PIK3C2G: variants seen among roughly 807,000 people sequenced by gnomAD.
The protein encoded by PIK3C2G is phosphatidylinositol-4-phosphate 3-kinase catalytic subunit type 2 gamma.
A neutral mutation model predicts 181.1 loss-of-function variants in PIK3C2G; 168 were observed. That is an observed-to-expected ratio of 0.93 (90% CI 0.82 to 1.05). The LOEUF (loss-of-function observed/expected upper bound fraction) is 1.05, where lower values mean the gene tolerates loss of function less well. PIK3C2G is among the 50% of genes least tolerant of loss of function. The pLI is 0.00. For synonymous variants in PIK3C2G, 573 were observed against 592.2 expected (o/e 0.97, Z 0.47); for missense variants, 1,869 against 1,732.8 (o/e 1.08, Z -1.40).
At chr12:18,339,385 A>C (rs1369604411) in intron 9 of PIK3C2G, among the ~76,000 whole-genome samples, 1 of 152,112 alleles carries the variant, frequency 6.6e-6, no homozygotes, top group African/African-American at 2.4e-5. Flanking sequence ...TAAAGTTGGT[A>C]TTTTAATGTT....
the PIK3C2G span, among the ~76,000 whole-genome samples, chr12:18,654,673 A>G: frequency 2.0e-5 from 3 of 152,202 alleles, no homozygotes; most frequent in South Asian, 6.2e-4. Flanking sequence ...GGGAAATCAG[A>G]CAAGATGATT....
intron 18 of PIK3C2G, among the ~76,000 whole-genome samples, chr12:18,460,235 A>G (rs930131150): frequency 1.3e-5 from 2 of 152,264 alleles, no homozygotes; most frequent in Admixed American, 6.5e-5. Context: ...CAGTTACTTA[A>G]TATGCAAAAA....
chr12:18,661,268 T>A, the PIK3C2G span, among the ~76,000 whole-genome samples: 1 of 152,130 alleles, frequency 6.6e-6, no homozygotes, highest in African/African-American at 2.4e-5. Context: ...CCAAGTGTGA[T>A]GAGATACAAG....
chr12:18,516,629 G>T (rs1318926949), intron 24 of PIK3C2G, among the ~76,000 whole-genome samples: 2 of 151,810 alleles, frequency 1.3e-5, no homozygotes, highest in Non-Finnish European at 2.9e-5. Context: ...CTTGATGGTG[G>T]CCCATAATTC....
intron 18 of PIK3C2G, among the ~76,000 whole-genome samples, chr12:18,427,432 G>T (rs1450700484): frequency 6.7e-6 from 1 of 150,182 alleles, no homozygotes; most frequent in East Asian, 2.0e-4. Flanking sequence ...GCTGGAACCC[G>T]GGAGGTTGCA....
At chr12:18,567,328 G>A (rs1003084671) in intron 29 of PIK3C2G, among the ~76,000 whole-genome samples, 1 of 152,120 alleles carries the variant, frequency 6.6e-6, no homozygotes, top group Non-Finnish European at 1.5e-5. Flanking sequence ...GAGCCCAGGA[G>A]TTGGAAGCTG....
At chr12:18,457,877 T>C (rs1373111169) in intron 18 of PIK3C2G, among the ~76,000 whole-genome samples, 60 of 152,306 alleles carry the variant, frequency 3.9e-4, no homozygotes, top group Non-Finnish European at 7.3e-5. Context: ...ACACTTGGTA[T>C]TATTTAATTA....
At chr12:18,683,373 G>A in the PIK3C2G span, 2 of 1,571,988 alleles carry the variant, frequency 1.3e-6, no homozygotes, top group South Asian at 1.1e-5. Flanking sequence ...TTAATCAGTG[G>A]TGTCTCCAAT....
chr12:18,319,983 A>G (rs927402957), intron 6 of PIK3C2G: 2 of 152,298 alleles, frequency 1.3e-5, no homozygotes, highest in African/African-American at 4.8e-5. Context: ...TATAACAGTG[A>G]CCTTATTCTT....
chr12:18,338,184 C>T (rs1938732037), intron 8 of PIK3C2G, among the ~76,000 whole-genome samples: 3 of 152,066 alleles, frequency 2.0e-5, no homozygotes, highest in Non-Finnish European at 2.9e-5. Flanking sequence ...CAAGTAATGT[C>T]AAATTAGAGC....
At chr12:18,651,722 A>G (rs1950529073), downstream of PIK3C2G, among the ~76,000 whole-genome samples, 1 of 152,156 alleles carries the variant, frequency 6.6e-6, no homozygotes, top group Non-Finnish European at 1.5e-5. Context: ...AGTCAGACTC[A>G]CCACCAATGG....
chr12:18,386,206 T>C (rs1943159549), intron 14 of PIK3C2G, among the ~76,000 whole-genome samples: 2 of 152,208 alleles, frequency 1.3e-5, no homozygotes, highest in Admixed American at 6.5e-5. Context: ...GGTTCCAGTC[T>C]GCAGCCCGCT....
At chr12:18,688,627 A>T in the PIK3C2G span, among the ~76,000 whole-genome samples, 3 of 151,814 alleles carry the variant, frequency 2.0e-5, no homozygotes, top group African/African-American at 7.3e-5. Flanking sequence ...GTACCATTTA[A>T]CTCCCTGTGA....
intron 13 of PIK3C2G, among the ~76,000 whole-genome samples, chr12:18,380,263 C>T (rs1223131054): frequency 2.0e-5 from 3 of 152,146 alleles, no homozygotes; most frequent in African/African-American, 7.2e-5. Flanking sequence ...AAGTGATGGG[C>T]TTTTCTGTCG....
intron 22 of PIK3C2G, among the ~76,000 whole-genome samples, chr12:18,500,514 G>A (rs986102478): frequency 6.6e-6 from 1 of 152,196 alleles, no homozygotes; most frequent in East Asian, 1.9e-4. Context: ...GACCACCTAA[G>A]GGCTGAGGAG....
chr12:18,596,095 T>C (rs983479048), intron 30 of PIK3C2G, among the ~76,000 whole-genome samples: 1 of 152,080 alleles, frequency 6.6e-6, no homozygotes, highest in Non-Finnish European at 1.5e-5. Flanking sequence ...GAATAAATGA[T>C]TGATGACAGA....
intron 5 of PIK3C2G, among the ~76,000 whole-genome samples, chr12:18,306,606 G>A (rs1219970295): frequency 1.3e-5 from 2 of 151,964 alleles, no homozygotes; most frequent in African/African-American, 4.8e-5. Context: ...ATTTAACATT[G>A]TAGAAATTTT....
intron 29 of PIK3C2G, among the ~76,000 whole-genome samples, chr12:18,590,258 T>C (rs528388762): frequency 6.6e-6 from 1 of 152,024 alleles, no homozygotes; most frequent in African/African-American, 2.4e-5. Context: ...TCTAGTTGTA[T>C]CCTCCAGTCC....
At chr12:18,494,946 T>C (rs143887822) in intron 20 of PIK3C2G, among the ~76,000 whole-genome samples, 99 of 152,178 alleles carry the variant, frequency 6.5e-4, no homozygotes, top group African/African-American at 2.3e-3. Context: ...GCTTACTGAA[T>C]CAATTTGATT....
Sources: gnomAD v4.1 joint callset for allele counts (sites outside exome capture counted in the v4.1 genomes callset) on GRCh38, gnomAD v4.1.1 for gene constraint, MANE v1.5 for transcripts, NCBI Gene and HGNC (gene_info 2026-07-23, HGNC 2026-07-21) for gene names.